The following ZNF285 variants were observed in gnomAD, a reference collection of about 807,000 sequenced individuals.
The protein encoded by ZNF285 is zinc finger protein 285.
ZNF285 carries 4 observed loss-of-function variants against 6.2 expected under a neutral mutation model. The observed-to-expected ratio is 0.65, with a 90% CI of 0.32 to 1.49. The LOEUF is 1.49. Ranked by LOEUF, ZNF285 falls within the 40% of genes most tolerant of loss-of-function variation. ZNF285 has a pLI of 0.07. For synonymous variants in ZNF285, 240 were observed against 245.8 expected, an observed-to-expected ratio of 0.98 and a Z score of 0.22; for missense variants, 695 against 708.8, an observed-to-expected ratio of 0.98 and a Z score of 0.22.
rs548325464 is a variant in ZNF285 at position 44,386,463 on chromosome 19, T to G, written c.*9A>C. 8.7e-6 allele frequency: 14 copies of G among 1,605,906 alleles called. 1 individual carries two copies. The South Asian group carries it at 1.5e-4, about 18-fold the overall frequency. On this transcript the variant is annotated 3_prime_UTR_variant, in exon 4 of 4. Coordinates refer to ENST00000614994, the MANE Select transcript of ZNF285 (RefSeq NM_152354.6). ...TCTGTTTTACTAATTGAACCCTGAC[T>G]TACTACATTTATAATGTTTCTCTCT... is the stretch of plus-strand genomic sequence containing the variant.
chr19:44,382,745 T>C lies in ZNF285; in HGVS notation c.*3727A>G, dbSNP rs1385285690. The C allele has an allele frequency of 2.0e-5, 3 of 152,188 alleles. No homozygotes were observed. Among genetic ancestry groups the C allele is most frequent in the African/African-American group, 7.2e-5 (3 of 41,440 alleles). 9.4% of individuals were successfully genotyped at this position (152,188 alleles called of 1,614,324 possible). The stretch of plus-strand genomic sequence containing the variant: ...TAAAGAGCAATTGTGAAGGCATCCA[T>C]GTTGGTGAGGGAACAAATTGACTAT... On this transcript the variant is annotated 3_prime_UTR_variant, in exon 4 of 4. Transcript: ENST00000614994.
chr19:44,395,968 G>GA (rs1470309201), intron 2 of ZNF285, among the ~76,000 whole-genome samples: 3 of 152,116 alleles, frequency 2.0e-5, no homozygotes, highest in Non-Finnish European at 4.4e-5. Flanking sequence ...CAGGAGGCTG[G>GA]AAAAATGGTG....
In ZNF285 at chr19:44,392,361, A is replaced by C; in HGVS notation, c.121T>G (p.Phe41Val). ...TCACTCACTAACATGAGGTTCCTGA[A>C]GTTTTCCAGCATCACATCTTGGTAC... ...NLYQDVMLEN[F>V]RNLMLVRDGI... The change falls in exon 3 of 4, where the codon TTC becomes GTC. Residue 41 changes from phenylalanine (F) to valine (V), a missense_variant. Transcript: ENST00000614994. 6.2e-7 allele frequency: 1 copy of C among 1,613,848 alleles called. No individual in the cohort carries two copies.
chr19:44,399,262 G>A (rs12971305), intron 1 of ZNF285, among the ~76,000 whole-genome samples: 49,414 of 136,996 alleles, frequency 0.36, 12,308 homozygotes, highest in East Asian at 0.74. Flanking sequence ...TCTTATTTTG[G>A]GCTCCAACAA....
At position 44,387,911 on chromosome 19, in the gene ZNF285, C is replaced by T. The variant is rs773164147; in HGVS notation, c.334G>A (p.Ala112Thr). Residue 112 changes from alanine (A) to threonine (T), a missense_variant, in exon 4 of 4, where the codon GCA becomes ACA. Physicochemically the swap from Ala to Thr is moderately conservative, Grantham distance 58. Transcript: ENST00000614994. ...LEDVSLSEEW[A>T]GISLQISENE... The stretch of plus-strand genomic sequence containing the variant: ...TCAGAAATCTGAAGAGAAATGCCTG[C>T]CCACTCTTCACTGAGGGAAACATCT... 4.3e-6 allele frequency: 7 copies of T among 1,613,966 alleles called. No individual in the cohort carries two copies. The South Asian group carries it at 5.5e-5, about 13-fold the overall frequency.
rs1461075650 is a variant in ZNF285, at chr19:44,387,292, C to T, written c.953G>A (p.Cys318Tyr). The change falls in exon 4 of 4, where the codon TGT (cysteine) becomes TAT (tyrosine). Residue 318 changes from cysteine to tyrosine, a missense_variant. Coordinates refer to ENST00000614994, the MANE Select transcript of ZNF285 (RefSeq NM_152354.6). ...CCTGAAGCCCTTGCCACATTCTTTA[C>T]ATTTGTAGGGTTTGTCTCCTGAGGA... ...KVSSGDKPYK[C>Y]KECGKGFRRS... 1.2e-6 allele frequency: 2 copies of T among 1,614,014 alleles called. No individual in the cohort carries two copies. Among genetic ancestry groups the T allele is most frequent in the Non-Finnish European group, 8.5e-7 (1 of 1,180,024 alleles).
At chr19:44,399,732 G>T (rs1446232733) in intron 1 of ZNF285, among the ~76,000 whole-genome samples, 1 of 151,540 alleles carries the variant, frequency 6.6e-6, no homozygotes, top group African/African-American at 2.4e-5. Context: ...GAACCAGACG[G>T]CACATTGAAA....
intron 1 of ZNF285, among the ~76,000 whole-genome samples, chr19:44,397,572 A>T (rs2722652): frequency 6.6e-6 from 1 of 151,964 alleles, no homozygotes; most frequent in African/African-American, 2.4e-5. Context: ...AAAAGAGGCT[A>T]CAGAATTGCT....
intron 3 of ZNF285, among the ~76,000 whole-genome samples, chr19:44,390,682 G>A (rs1206797010): frequency 1.3e-5 from 2 of 151,900 alleles, no homozygotes; most frequent in Non-Finnish European, 2.9e-5. Flanking sequence ...GGAGGGGCCA[G>A]TGGTGGGATA....
chr19:44,392,197 G>C, intron 3 of ZNF285, 143 bp downstream of exon 3: 1 of 1,513,846 alleles, frequency 6.6e-7, no homozygotes. Flanking sequence ...TTAACTGTAG[G>C]TTTCTAACCT....
At chr19:44,389,332 G>C (rs541105989) in intron 3 of ZNF285, among the ~76,000 whole-genome samples, 2 of 152,244 alleles carry the variant, frequency 1.3e-5, no homozygotes, top group Admixed American at 1.3e-4. Context: ...ACTGGATACT[G>C]CTTCTGGTTC....
chr19:44,401,398 G>C (rs920522279), intron 1 of ZNF285, 170 bp downstream of exon 1: 5 of 152,234 alleles, frequency 3.3e-5, no homozygotes, highest in African/African-American at 1.2e-4. Context: ...CGGGTAGGTC[G>C]GGCCGCTGAA....
chr19:44,399,715 G>C (rs534801839), intron 1 of ZNF285, among the ~76,000 whole-genome samples: 1 of 151,520 alleles, frequency 6.6e-6, no homozygotes, highest in African/African-American at 2.4e-5. Flanking sequence ...AGTCAGGGCC[G>C]TGGCACGAAC....
In ZNF285 at chr19:44,387,246, G is replaced by A. The variant is rs1971102387; in HGVS notation, c.999C>T (p.Asn333=). ...TCTCCCCTGTGTGGACTCGATGATG[G>A]TTGTGAAGGGAAGAGCTGCGCCTGA... The part of the protein sequence containing the change: ...KGFRRSSSLH[N]HHRVHTGEMP... The change falls in exon 4 of 4, where the codon AAC becomes AAT. Residue 333 remains asparagine, a synonymous_variant. Coordinates refer to ENST00000614994, the MANE Select transcript of ZNF285 (RefSeq NM_152354.6). 2 of 1,614,012 alleles carry A rather than the reference G, an allele frequency of 1.2e-6. No homozygotes were observed.
In ZNF285 at chr19:44,400,907, C is replaced by T. The variant is rs569874826; in HGVS notation, c.-44+661G>A. Among the ~76,000 whole-genome samples, 8 of 152,114 alleles carry T rather than the reference C, an allele frequency of 5.3e-5. No individual in the cohort carries two copies. In the South Asian group the frequency reaches 1.2e-3, roughly 24 times the overall value. Reference sequence around the variant, plus strand: ...GGGACAGTTCTTTTCAAAATGTATTCGGTGACATTAAACTCTGGAGTTATT... The same window carrying T: ...GGGACAGTTCTTTTCAAAATGTATTTGGTGACATTAAACTCTGGAGTTATT... On this transcript the variant is annotated intron_variant, in intron 1 of 3. Transcript: ENST00000614994.
intron 2 of ZNF285, among the ~76,000 whole-genome samples, chr19:44,396,045 C>A (rs1358396092): frequency 4.6e-5 from 7 of 152,014 alleles, no homozygotes; most frequent in Non-Finnish European, 1.0e-4. Context: ...GAAAATGTAC[C>A]TAATGAATCT....
intron 1 of ZNF285, among the ~76,000 whole-genome samples, chr19:44,398,779 T>G (rs1423524867): frequency 6.6e-6 from 1 of 152,246 alleles, no homozygotes; most frequent in African/African-American, 2.4e-5. Context: ...GTGGAGAAAC[T>G]TATTGTATAA....
chr19:44,399,753 G>A (rs556514151), intron 1 of ZNF285, among the ~76,000 whole-genome samples: 1 of 151,894 alleles, frequency 6.6e-6, no homozygotes, highest in East Asian at 2.0e-4. Flanking sequence ...TTTGAGGAGA[G>A]TTTAATAAAC....
At chr19:44,390,339 G>A (rs1466903122) in intron 3 of ZNF285, among the ~76,000 whole-genome samples, 1 of 152,162 alleles carries the variant, frequency 6.6e-6, no homozygotes, top group African/African-American at 2.4e-5. Context: ...GTGTGATCAG[G>A]ATGCAAGACA....
Sources: allele counts gnomAD v4.1 joint callset (sites outside exome capture counted in the v4.1 genomes callset), GRCh38; gene constraint gnomAD v4.1.1; transcripts MANE v1.5; gene names NCBI Gene and HGNC (gene_info 2026-07-23, HGNC 2026-07-21).